The following PCDHGA7 variants were observed in gnomAD, a reference collection of about 807,000 sequenced individuals.
The protein encoded by PCDHGA7 is protocadherin gamma subfamily A, 7.
Under a neutral mutation model 58.3 loss-of-function variants are expected in PCDHGA7, and 44 were observed. The ratio of observed to expected loss-of-function variants is 0.75; its 90% confidence interval spans 0.59 to 0.97. The LOEUF is 0.97. PCDHGA7 is among the 50% of genes least tolerant of loss of function. PCDHGA7 has a pLI of 0.00. For missense variants in PCDHGA7, 1,266 were observed against 1,188.7 expected, an observed-to-expected ratio of 1.06 and a Z score of -0.96; for synonymous variants, 516 against 504.2, an observed-to-expected ratio of 1.02 and a Z score of -0.31.
At chr5:141,433,215 T>A (rs755571112) in intron 1 of PCDHGA7, 1 of 1,568,720 alleles carries the variant, frequency 6.4e-7, no homozygotes, top group South Asian at 1.2e-5. Flanking sequence ...TTTCTTTTTT[T>A]TTTTTAATTG....
intron 1 of PCDHGA7, chr5:141,389,279 T>C: frequency 6.2e-7 from 1 of 1,614,016 alleles, no homozygotes; most frequent in Non-Finnish European, 8.5e-7. Context: ...ACAACCCGCC[T>C]GGAGCCTCTA....
intron 1 of PCDHGA7, chr5:141,423,031 A>G (rs761268652): frequency 1.2e-6 from 2 of 1,614,096 alleles, no homozygotes; most frequent in East Asian, 2.2e-5. Flanking sequence ...TTCAGGCCAG[A>G]ACGCCTGGCT....
Position 141,493,957 on chromosome 5 carries a change from G to A in PCDHGA7, c.2425-850G>A, listed in dbSNP as rs1360777586. 6.6e-6 allele frequency among the ~76,000 whole-genome samples: 1 copy of A among 152,228 alleles called. No individual in the cohort carries two copies. The highest frequency in any genetic ancestry group is 2.4e-5 in the African/African-American group (1 of 41,458). On this transcript the variant is annotated intron_variant, in intron 1 of 3. Coordinates refer to ENST00000518325, the MANE Select transcript of PCDHGA7 (RefSeq NM_018920.4). This position sits in a 1 kb window ranked among gnomAD's most constrained non-coding sequence, Gnocchi z 4.3. ...AGACCAGAAGGGACTCAGGAATGAA[G>A]TGGCTGGCCAGAGCCCCACACCTTC... is the stretch of plus-strand genomic sequence containing the variant.
chr5:141,471,631 G>A (rs573080972), intron 1 of PCDHGA7: 7 of 152,188 alleles, frequency 4.6e-5, no homozygotes, highest in African/African-American at 9.6e-5. Flanking sequence ...CATTGGTATG[G>A]ATTAGTAATA....
intron 1 of PCDHGA7, chr5:141,408,845 T>C (rs560368079): frequency 1.9e-6 from 3 of 1,613,670 alleles, no homozygotes; most frequent in Non-Finnish European, 8.5e-7. Flanking sequence ...ATTGACTGCC[T>C]TGGACGGAGG....
In PCDHGA7 at chr5:141,385,141, G is replaced by T. The variant is rs1183220869; in HGVS notation, c.2242G>T (p.Ala748Ser). 3 of 1,614,202 alleles carry T rather than the reference G, an allele frequency of 1.9e-6. No homozygotes were observed. Among genetic ancestry groups the T allele is most frequent in the Non-Finnish European group, 2.5e-6 (3 of 1,180,042 alleles). Residue 748 changes from alanine to serine, a missense_variant, in exon 1 of 4, where the codon GCT becomes TCT. Transcript: ENST00000518325. Reference protein sequence around the residue: ...SHFVGMDGVQAFLQTYSHEVS... With the variant: ...SHFVGMDGVQSFLQTYSHEVS... ...CTTTGTGGGCATGGACGGGGTGCAGGCTTTCCTGCAGACCTATTCCCATGA... is the reference window on the plus strand; with the variant it reads ...CTTTGTGGGCATGGACGGGGTGCAGTCTTTCCTGCAGACCTATTCCCATGA...
intron 1 of PCDHGA7, among the ~76,000 whole-genome samples, chr5:141,435,134 A>G (rs1190517186): frequency 6.6e-6 from 1 of 152,190 alleles, no homozygotes; most frequent in Non-Finnish European, 1.5e-5. Context: ...GAAAATATAA[A>G]TAAAATTGTG....
intron 1 of PCDHGA7, among the ~76,000 whole-genome samples, chr5:141,482,314 A>G (rs1279804501): frequency 6.6e-6 from 1 of 152,180 alleles, no homozygotes; most frequent in Admixed American, 6.5e-5. Flanking sequence ...TTCCTCATCT[A>G]TAAAATAAAG....
At chr5:141,430,950 TC>T (rs1353555538) in intron 1 of PCDHGA7, 1 of 1,609,980 alleles carries the variant, frequency 6.2e-7, no homozygotes, top group East Asian at 2.2e-5. Flanking sequence ...GAGCGCGGAG[TC>T]CGCATCATCC....
chr5:141,502,475 A>G (rs1246548191), intron 2 of PCDHGA7, among the ~76,000 whole-genome samples: 1 of 150,884 alleles, frequency 6.6e-6, no homozygotes, highest in Non-Finnish European at 1.5e-5. Context: ...TTCCCGCAGC[A>G]TCACACTGGG....
chr5:141,404,468 T>G, intron 1 of PCDHGA7: 2 of 1,613,514 alleles, frequency 1.2e-6, no homozygotes, highest in Non-Finnish European at 8.5e-7. Context: ...CACCTATGTC[T>G]CTATTAACTC....
intron 1 of PCDHGA7, chr5:141,390,730 A>T (rs964390196): frequency 2.0e-5 from 4 of 195,852 alleles, no homozygotes; most frequent in Non-Finnish European, 3.1e-5. Flanking sequence ...TTTAACTGGT[A>T]TGGTCTCCAT....
intron 1 of PCDHGA7, chr5:141,478,860 A>C: frequency 1.9e-5 from 25 of 1,331,544 alleles, no homozygotes; most frequent in Middle Eastern, 2.6e-4. Context: ...ACAAGATCTC[A>C]GCGATCAGAG....
chr5:141,433,291 T>A, intron 1 of PCDHGA7: 1 of 1,094,048 alleles, frequency 9.1e-7, no homozygotes, highest in Non-Finnish European at 1.3e-6. Flanking sequence ...ACTCCTAGGC[T>A]CAAGCAATTA....
Position 141,491,755 on chromosome 5 carries a change from G to A in PCDHGA7, c.2425-3052G>A. On this transcript the variant is annotated intron_variant, in intron 1 of 3. Transcript: ENST00000518325. This position sits in a 1 kb window ranked among gnomAD's most constrained non-coding sequence, Gnocchi z 6.9. Reference sequence around the variant, plus strand: ...CCCTGGGGGCGGCACTGGAGAAGCCGCCCGTCCTCATAAGGGATTGAACTT... The same window carrying A: ...CCCTGGGGGCGGCACTGGAGAAGCCACCCGTCCTCATAAGGGATTGAACTT... 6 of 1,582,196 alleles carry A rather than the reference G, an allele frequency of 3.8e-6. No individual in the cohort carries two copies. The highest frequency in any genetic ancestry group is 5.1e-6 in the Non-Finnish European group (6 of 1,165,450).
At chr5:141,482,936 G>T (rs2099574800) in intron 1 of PCDHGA7, among the ~76,000 whole-genome samples, 1 of 152,050 alleles carries the variant, frequency 6.6e-6, no homozygotes, top group Admixed American at 6.5e-5. Context: ...AGCCAGGTGT[G>T]GTTGTGGGTG....
intron 1 of PCDHGA7, among the ~76,000 whole-genome samples, chr5:141,439,662 G>A (rs2098125902): frequency 6.6e-6 from 1 of 152,150 alleles, no homozygotes; most frequent in South Asian, 2.1e-4. Flanking sequence ...TAATTTCATG[G>A]AATGCAAATC....
At chr5:141,413,056 T>A in intron 1 of PCDHGA7, 1 of 1,030,200 alleles carries the variant, frequency 9.7e-7, no homozygotes, top group East Asian at 2.6e-5. Flanking sequence ...GGAAGCTCAC[T>A]CCAGAATTTA....
At position 141,487,791 on chromosome 5, in the gene PCDHGA7, C is replaced by T; in HGVS notation, c.2425-7016C>T. ...CTTTGTAACTGTTTCGTGAATTAAC[C>T]AGAGTTGTCACAGTTTAGCATTGGG... On this transcript the variant is annotated intron_variant, in intron 1 of 3. Coordinates refer to ENST00000518325, the MANE Select transcript of PCDHGA7 (RefSeq NM_018920.4). This position sits in a 1 kb window ranked among gnomAD's most constrained non-coding sequence, Gnocchi z 5.0. 6.6e-7 allele frequency: 1 copy of T among 1,510,152 alleles called. No individual in the cohort carries two copies. The highest frequency in any genetic ancestry group is 1.4e-5 in the African/African-American group (1 of 72,206). The allele number at this position is 1,510,152 out of a possible 1,614,324, so 93.5% of individuals were successfully genotyped here. A position where few individuals can be genotyped will look rare whatever the true frequency, so the allele number is the denominator to read the frequency against.
Sources: allele counts gnomAD v4.1 joint callset (sites outside exome capture counted in the v4.1 genomes callset), GRCh38; gene constraint gnomAD v4.1.1; non-coding constraint Gnocchi (gnomAD v3.1); transcripts MANE v1.5; gene names NCBI Gene and HGNC (gene_info 2026-07-23, HGNC 2026-07-21).